The following ADCY2 variants were observed in gnomAD, a reference collection of about 807,000 sequenced individuals.
The protein encoded by ADCY2 is adenylate cyclase 2.
ADCY2 carries 31 observed loss-of-function variants against 125.2 expected under a neutral mutation model. The ratio of observed to expected loss-of-function variants is 0.25; its 90% CI spans 0.19 to 0.33. ADCY2 has a LOEUF of 0.33. Among genes scored for constraint, ADCY2 ranks in the 10% least tolerant of loss-of-function variants. The pLI, the probability that ADCY2 is intolerant of heterozygous loss-of-function variation, is 1.00. For missense variants in ADCY2, 904 were observed against 1,418.2 expected (o/e 0.64, Z 5.82); for synonymous variants, 512 against 548.4 (o/e 0.93, Z 0.93).
At chr5:7,447,991 G>A (rs945643207) in intron 2 of ADCY2, among the ~76,000 whole-genome samples, 9 of 152,124 alleles carry the variant, frequency 5.9e-5, no homozygotes, top group Non-Finnish European at 1.2e-4. Context: ...CCACAGACAC[G>A]GTGACCAGAG....
intron 14 of ADCY2, among the ~76,000 whole-genome samples, chr5:7,730,653 T>C (rs1398406898): frequency 6.6e-6 from 1 of 152,208 alleles, no homozygotes; most frequent in Non-Finnish European, 1.5e-5. Flanking sequence ...ATAGTTTAAC[T>C]GGGCATAAAA....
chr5:7,811,507 A>T (rs1695108497), intron 22 of ADCY2, among the ~76,000 whole-genome samples: 1 of 150,862 alleles, frequency 6.6e-6, no homozygotes, highest in South Asian at 2.1e-4. Flanking sequence ...TCTCAAAAAA[A>T]AAAAGAAAAA....
At chr5:7,747,395 G>A (rs1053481534) in intron 15 of ADCY2, among the ~76,000 whole-genome samples, 7 of 152,108 alleles carry the variant, frequency 4.6e-5, no homozygotes, top group African/African-American at 1.7e-4. Context: ...CATTTTTATG[G>A]GGTCCTTTCT....
chr5:7,599,529 G>A (rs1202302846), intron 3 of ADCY2, among the ~76,000 whole-genome samples: 5 of 152,220 alleles, frequency 3.3e-5, no homozygotes, highest in East Asian at 1.9e-4. Context: ...TAGAATGTGC[G>A]TGAGGCCACC....
At chr5:7,708,295 A>G (rs1457833449) in intron 9 of ADCY2, 2 of 154,382 alleles carry the variant, frequency 1.3e-5, no homozygotes, top group Non-Finnish European at 2.9e-5. Flanking sequence ...TAACACATAA[A>G]TATTACATAG....
intron 2 of ADCY2, among the ~76,000 whole-genome samples, chr5:7,494,670 G>A (rs758084382): frequency 2.0e-5 from 3 of 152,130 alleles, no homozygotes; most frequent in Non-Finnish European, 4.4e-5. Flanking sequence ...TAGTGGTTAC[G>A]GAGGCAGAGA....
chr5:7,682,528 C>G (rs576700498), intron 4 of ADCY2, among the ~76,000 whole-genome samples: 1 of 152,288 alleles, frequency 6.6e-6, no homozygotes, highest in South Asian at 2.1e-4. Context: ...CAAAAGAGAA[C>G]CATGAATGTG....
intron 18 of ADCY2, among the ~76,000 whole-genome samples, chr5:7,782,792 A>G (rs1309308460): frequency 2.6e-5 from 4 of 152,230 alleles, no homozygotes; most frequent in African/African-American, 4.8e-5. Flanking sequence ...AAATTCATGA[A>G]AGTCAGAGTC....
chr5:7,399,229 A>G (rs1339722207), intron 1 of ADCY2, among the ~76,000 whole-genome samples: 3 of 152,150 alleles, frequency 2.0e-5, no homozygotes, highest in African/African-American at 4.8e-5. Context: ...GACTTTCATC[A>G]GTTCTTATAG....
chr5:7,613,172 G>C (rs182851707), intron 3 of ADCY2, among the ~76,000 whole-genome samples: 15 of 150,784 alleles, frequency 9.9e-5, no homozygotes, highest in Admixed American at 3.3e-4. Context: ...AAAAAAAAAA[G>C]ATTGCACACA....
chr5:7,790,027 C>A (rs990835546), intron 20 of ADCY2, among the ~76,000 whole-genome samples: 1 of 152,198 alleles, frequency 6.6e-6, no homozygotes. Flanking sequence ...AAGTCTGAGT[C>A]TGGAGGTGGA....
At chr5:7,413,552 C>T (rs1283158280) in intron 1 of ADCY2, among the ~76,000 whole-genome samples, 2 of 151,982 alleles carry the variant, frequency 1.3e-5, no homozygotes, top group Non-Finnish European at 2.9e-5. Context: ...CCCGCCTCGG[C>T]CTCCCAAAGT....
intron 4 of ADCY2, among the ~76,000 whole-genome samples, chr5:7,666,040 A>T (rs186597933): frequency 2.7e-5 from 4 of 149,790 alleles, no homozygotes; most frequent in African/African-American, 4.9e-5. Flanking sequence ...GGGTTTCACC[A>T]TGTTAGCCAG....
intron 18 of ADCY2, among the ~76,000 whole-genome samples, chr5:7,774,493 A>G (rs1743655213): frequency 6.6e-6 from 1 of 152,202 alleles, no homozygotes; most frequent in Non-Finnish European, 1.5e-5. Flanking sequence ...CCTTTTATTA[A>G]ATTTAAAGCA....
intron 2 of ADCY2, among the ~76,000 whole-genome samples, chr5:7,490,256 A>G (rs1438753857): frequency 6.6e-6 from 1 of 152,184 alleles, no homozygotes; most frequent in East Asian, 1.9e-4. Flanking sequence ...TATTCCATTA[A>G]TACCATGGTT....
At chr5:7,542,187 C>T (rs1344401213) in intron 3 of ADCY2, among the ~76,000 whole-genome samples, 2 of 152,136 alleles carry the variant, frequency 1.3e-5, no homozygotes, top group East Asian at 3.9e-4. Flanking sequence ...ACCTACTCTC[C>T]TGATGTTCCA....
At chr5:7,595,522 A>G in intron 3 of ADCY2, among the ~76,000 whole-genome samples, 1 of 152,068 alleles carries the variant, frequency 6.6e-6, no homozygotes, top group Non-Finnish European at 1.5e-5. Flanking sequence ...CTTTTATCTC[A>G]CATATCTTCT....
intron 18 of ADCY2, among the ~76,000 whole-genome samples, chr5:7,777,485 C>A (rs1001348498): frequency 1.3e-5 from 2 of 152,232 alleles, no homozygotes; most frequent in Non-Finnish European, 2.9e-5. Flanking sequence ...TCACCTGCTT[C>A]CCTGAAGACA....
At chr5:7,569,492 G>A (rs575051413) in intron 3 of ADCY2, among the ~76,000 whole-genome samples, 3 of 152,102 alleles carry the variant, frequency 2.0e-5, no homozygotes, top group Non-Finnish European at 4.4e-5. Flanking sequence ...GATTGCTGAG[G>A]AACATGCCTA....
Sources: allele counts gnomAD v4.1 joint callset (sites outside exome capture counted in the v4.1 genomes callset), GRCh38; gene constraint gnomAD v4.1.1; transcripts MANE v1.5; gene names NCBI Gene and HGNC (gene_info 2026-07-23, HGNC 2026-07-21).